The following GNG2 variants were observed in gnomAD, a reference collection of about 807,000 sequenced individuals.
GNG2 encodes guanine nucleotide-binding protein G(I)/G(S)/G(O) subunit gamma-2.
Under a neutral mutation model 5.5 loss-of-function variants are expected in GNG2, and 5 were observed. The ratio of observed to expected loss-of-function variants is 0.91; its 90% CI spans 0.48 to 1.92. The LOEUF (loss-of-function observed/expected upper bound fraction) is 1.92, where lower values mean the gene tolerates loss of function less well. GNG2 is among the 30% of genes most tolerant of loss of function. The probability of loss-of-function intolerance (pLI) is 0.01; values close to 1 mark genes in which losing one functional copy is unlikely to be tolerated. For synonymous variants in GNG2, 28 were observed against 32.0 expected (o/e 0.88, Z 0.42); for missense variants, 55 against 88.4 (o/e 0.62, Z 1.52).
chr14:51,901,708 C>T (rs1885572388), intron 2 of GNG2, among the ~76,000 whole-genome samples: 1 of 141,472 alleles, frequency 7.1e-6, no homozygotes, highest in South Asian at 2.3e-4. Context: ...GAGCAGGTGG[C>T]ATTGGTGGCA....
intron 2 of GNG2, among the ~76,000 whole-genome samples, chr14:51,843,879 C>T (rs1271896111): frequency 2.6e-5 from 4 of 152,232 alleles, no homozygotes; most frequent in African/African-American, 9.6e-5. Context: ...ATAAGCCATG[C>T]TCTGCCCCAA....
chr14:51,894,437 G>C (rs1286621093), intron 2 of GNG2, among the ~76,000 whole-genome samples: 1 of 152,074 alleles, frequency 6.6e-6, no homozygotes, highest in African/African-American at 2.4e-5. Flanking sequence ...TCATAAGCTT[G>C]ACTTAAGAAA....
At position 51,911,805 on chromosome 14, in the gene GNG2, TC is replaced by T. The variant is rs1275781314; in HGVS notation, c.-30+34151del. Among the ~76,000 whole-genome samples the T allele has an allele frequency of 1.4e-5, 2 of 147,854 alleles. 1 individual carries two copies. Among genetic ancestry groups the T allele is most frequent in the African/African-American group, 5.1e-5 (2 of 39,398 alleles). On this transcript the variant is annotated intron_variant, in intron 2 of 3. Coordinates refer to ENST00000556766, the MANE Select transcript of GNG2 (RefSeq NM_053064.5). Reference sequence around the variant, plus strand: ...CTCCAGTGATCTGCCTACTTTGGCCTCCCAAAGCACTGGGATTACAGGCGTG... The same window carrying T: ...CTCCAGTGATCTGCCTACTTTGGCCTCCAAAGCACTGGGATTACAGGCGTG...
chr14:51,843,447 A>G (rs1566641091), intron 2 of GNG2, among the ~76,000 whole-genome samples: 1 of 152,178 alleles, frequency 6.6e-6, no homozygotes, highest in Non-Finnish European at 1.5e-5. Context: ...GAGGGAGAGC[A>G]TTAGGACAAA....
intron 3 of GNG2, among the ~76,000 whole-genome samples, chr14:51,960,111 G>C (rs905481094): frequency 6.6e-6 from 1 of 150,632 alleles, no homozygotes; most frequent in Non-Finnish European, 1.5e-5. Flanking sequence ...GCTTCTTTAG[G>C]GACTCCAATT....
chr14:51,886,486 C>T (rs1884466201), intron 2 of GNG2, among the ~76,000 whole-genome samples: 1 of 152,134 alleles, frequency 6.6e-6, no homozygotes, highest in South Asian at 2.1e-4. Flanking sequence ...TCAGAAAATG[C>T]CAGCTGTATT....
At chr14:51,828,594 G>A (rs750300671) in intron 2 of GNG2, among the ~76,000 whole-genome samples, 1 of 152,030 alleles carries the variant, frequency 6.6e-6, no homozygotes, top group Non-Finnish European at 1.5e-5. Flanking sequence ...TCTGACTCAC[G>A]GCCACACTGA....
intron 3 of GNG2, among the ~76,000 whole-genome samples, chr14:51,953,452 C>G (rs1889103222): frequency 6.6e-6 from 1 of 152,206 alleles, no homozygotes; most frequent in Non-Finnish European, 1.5e-5. Context: ...ATACCACACT[C>G]TGATTGCCCT....
intron 2 of GNG2, among the ~76,000 whole-genome samples, chr14:51,842,895 C>A (rs1881521529): frequency 6.6e-6 from 1 of 152,030 alleles, no homozygotes; most frequent in Non-Finnish European, 1.5e-5. Context: ...GAACTCCTGA[C>A]CCCAAGTGAT....
chr14:51,923,376 G>C (rs1887128517), intron 2 of GNG2, among the ~76,000 whole-genome samples: 1 of 152,154 alleles, frequency 6.6e-6, no homozygotes, highest in Non-Finnish European at 1.5e-5. Flanking sequence ...GGTTGGTGTA[G>C]AGATTCACAT....
chr14:51,936,296 T>C (rs1362111517), intron 2 of GNG2, among the ~76,000 whole-genome samples: 1 of 152,178 alleles, frequency 6.6e-6, no homozygotes, highest in Non-Finnish European at 1.5e-5. Context: ...ATGGTATACA[T>C]TAAGTAAGGT....
intron 2 of GNG2, among the ~76,000 whole-genome samples, chr14:51,899,130 A>G (rs929012888): frequency 2.6e-5 from 4 of 152,122 alleles, no homozygotes; most frequent in African/African-American, 9.7e-5. Context: ...TCTCTACAGC[A>G]TATTTCTTGT....
chr14:51,900,124 C>T (rs1203623099), intron 2 of GNG2, among the ~76,000 whole-genome samples: 2 of 152,154 alleles, frequency 1.3e-5, no homozygotes, highest in East Asian at 3.8e-4. Context: ...TTACATTCCC[C>T]CCAACAGTAC....
chr14:51,864,225 T>C (rs77691607), intron 1 of GNG2, among the ~76,000 whole-genome samples: 2,028 of 152,318 alleles, frequency 0.013, 49 homozygotes, highest in African/African-American at 0.047. Context: ...TATGAAGTGG[T>C]ATCTCTTTAT....
At chr14:51,862,013 C>T (rs1339237455) in intron 1 of GNG2, among the ~76,000 whole-genome samples, 1 of 152,116 alleles carries the variant, frequency 6.6e-6, no homozygotes, top group Non-Finnish European at 1.5e-5. Context: ...AACATAGGTT[C>T]TTAGATACCA....
At chr14:51,902,397 G>A (rs1320890525) in intron 2 of GNG2, among the ~76,000 whole-genome samples, 1 of 152,234 alleles carries the variant, frequency 6.6e-6, no homozygotes, top group Non-Finnish European at 1.5e-5. Flanking sequence ...AAAGACAGGT[G>A]GAGGAGAGGT....
intron 2 of GNG2, chr14:51,827,863 GTTTA>G: frequency 1.6e-6 from 1 of 627,492 alleles, no homozygotes; most frequent in East Asian, 2.8e-5. Context: ...ACGTTGAAGT[GTTTA>G]TTCTCTGAGG....
intron 2 of GNG2, among the ~76,000 whole-genome samples, chr14:51,838,203 G>A (rs1174172992): frequency 3.3e-5 from 5 of 152,150 alleles, no homozygotes; most frequent in Non-Finnish European, 1.5e-5. Flanking sequence ...CAGCACTTTG[G>A]GAGGCTGAGG....
intron 2 of GNG2, among the ~76,000 whole-genome samples, chr14:51,899,471 A>C (rs1369302681): frequency 3.3e-5 from 5 of 152,226 alleles, no homozygotes; most frequent in Non-Finnish European, 5.9e-5. Flanking sequence ...CATAAAACTT[A>C]CCATCATAAC....
Sources: gnomAD v4.1 joint callset for allele counts (sites outside exome capture counted in the v4.1 genomes callset) on GRCh38, gnomAD v4.1.1 for gene constraint, MANE v1.5 for transcripts, NCBI Gene and HGNC (gene_info 2026-07-23, HGNC 2026-07-21) for gene names.